SUPT3H: variants seen among roughly 807,000 people sequenced by gnomAD.
SUPT3H encodes SPT3 homolog, SAGA and STAGA complex component.
Under a neutral mutation model 44.3 loss-of-function variants are expected in SUPT3H, and 44 were observed. That is an observed-to-expected ratio of 0.99 (90% CI 0.78 to 1.28). The LOEUF is 1.28. Among genes scored for constraint, SUPT3H ranks in the 50% most tolerant of loss-of-function variants. The pLI is 0.00. For missense variants in SUPT3H, 380 were observed against 387.1 expected (o/e 0.98, Z 0.15); for synonymous variants, 124 against 125.6 (o/e 0.99, Z 0.09).
chr6:45,365,291 G>T lies in SUPT3H; in HGVS notation c.11C>A (p.Thr4Lys), dbSNP rs146820226. Residue 4 changes from threonine (T) to lysine (K), a missense_variant, in exon 2 of 11, where the codon ACG becomes AAG. Physicochemically the swap from Thr to Lys is moderately conservative, Grantham distance 78. Coordinates refer to ENST00000371459, the MANE Select transcript of SUPT3H (RefSeq NM_003599.4). MNN[T>K]AASPMSTATS... Reference sequence around the variant, plus strand: ...TGCAGTAGACATTGGACTAGCTGCCGTATTATTCATCTAAATAAAAAGGAG... The same window carrying T: ...TGCAGTAGACATTGGACTAGCTGCCTTATTATTCATCTAAATAAAAAGGAG... 7 of 1,605,524 alleles carry T rather than the reference G, an allele frequency of 4.4e-6. No individual in the cohort carries two copies. The Admixed American group carries it at 5.0e-5, about 12-fold the overall frequency.
intron 3 of SUPT3H, among the ~76,000 whole-genome samples, chr6:45,105,700 G>A (rs141781907): frequency 3.9e-5 from 6 of 152,074 alleles, no homozygotes; most frequent in African/African-American, 9.7e-5. Context: ...GCAAATTTTC[G>A]ATATCATGAT....
chr6:45,062,261 C>A (rs1739532641), intron 3 of SUPT3H, among the ~76,000 whole-genome samples: 1 of 151,948 alleles, frequency 6.6e-6, no homozygotes, highest in African/African-American at 2.4e-5. Context: ...ACACAAATAA[C>A]ATTTGAAAAA....
At position 44,954,655 on chromosome 6, in the gene SUPT3H, T is replaced by C. The variant is rs73735270; in HGVS notation, c.581-48A>G. On this transcript the variant is annotated intron_variant, in intron 7 of 10. Coordinates refer to ENST00000371459, the MANE Select transcript of SUPT3H (RefSeq NM_003599.4). The stretch of plus-strand genomic sequence containing the variant: ...TGCAGAAATTTTAATTTTTAAAGTG[T>C]TTTAATACTGCACATTACTATCACA... The C allele has an allele frequency of 8.9e-4, 956 of 1,068,880 alleles. 11 individuals are homozygous for C. In the African/African-American group the frequency reaches 0.014, roughly 15 times the overall value. The allele number at this position is 1,068,880 out of a possible 1,614,324, so 66.2% of individuals were successfully genotyped here. A position where few individuals can be genotyped will look rare whatever the true frequency, so the allele number is the denominator to read the frequency against.
chr6:44,814,797 G>A (rs143403470), intron 11 of SUPT3H, among the ~76,000 whole-genome samples: 120 of 151,968 alleles, frequency 7.9e-4, no homozygotes, highest in Middle Eastern at 3.4e-3. Context: ...CTGCCTCAGC[G>A]TCCTGAATAG....
At chr6:45,011,111 G>A (rs529026642) in intron 5 of SUPT3H, among the ~76,000 whole-genome samples, 222 of 152,100 alleles carry the variant, frequency 1.5e-3, no homozygotes, top group African/African-American at 5.1e-3. Flanking sequence ...GCTGAATTCA[G>A]TTTAATGGCA....
At chr6:44,857,022 T>C (rs912191564) in intron 10 of SUPT3H, among the ~76,000 whole-genome samples, 10 of 152,186 alleles carry the variant, frequency 6.6e-5, no homozygotes, top group African/African-American at 2.4e-4. Context: ...CAATTTTCTA[T>C]ATCATAAACT....
At position 45,324,583 on chromosome 6, in the gene SUPT3H, A is replaced by C. The variant is rs1049549054; in HGVS notation, c.101+40618T>G. 8.6e-5 allele frequency among the ~76,000 whole-genome samples: 13 copies of C among 151,110 alleles called. No individual in the cohort carries two copies. In the East Asian group the frequency reaches 2.2e-3, roughly 25 times the overall value. ...GGAGAAAGAAAGGGAAAGAGGAGGAATGGGGGAGACAGGTAGAGGGAGAGA... is the reference window on the plus strand; with the variant it reads ...GGAGAAAGAAAGGGAAAGAGGAGGACTGGGGGAGACAGGTAGAGGGAGAGA... On this transcript the variant is annotated intron_variant, in intron 2 of 10. Coordinates refer to ENST00000371459, the MANE Select transcript of SUPT3H (RefSeq NM_003599.4).
intron 2 of SUPT3H, among the ~76,000 whole-genome samples, chr6:45,241,828 A>C (rs1770395708): frequency 6.6e-6 from 1 of 152,228 alleles, no homozygotes; most frequent in Non-Finnish European, 1.5e-5. Flanking sequence ...TAGTTTAAAG[A>C]GAATGGAATA....
Position 45,370,347 on chromosome 6 carries a change from T to A in SUPT3H, c.1-5046A>T, listed in dbSNP as rs567413505. ...GAATTCTGGAGCCTTAGAAACTGGTTGAATGGTGGTGCCATTTACTGAGAT... is the reference window on the plus strand; with the variant it reads ...GAATTCTGGAGCCTTAGAAACTGGTAGAATGGTGGTGCCATTTACTGAGAT... On this transcript the variant is annotated intron_variant, in intron 1 of 10. Coordinates refer to ENST00000371459, the MANE Select transcript of SUPT3H (RefSeq NM_003599.4). Among the ~76,000 whole-genome samples, 21 of 152,104 alleles carry A rather than the reference T, an allele frequency of 1.4e-4. No homozygotes were observed. In the South Asian group the frequency reaches 3.9e-3, roughly 29 times the overall value.
At chr6:45,148,557 A>C (rs1346739641) in intron 2 of SUPT3H, among the ~76,000 whole-genome samples, 3 of 152,166 alleles carry the variant, frequency 2.0e-5, no homozygotes, top group Non-Finnish European at 4.4e-5. Flanking sequence ...ACACGCTCAG[A>C]CATTAACCAG....
chr6:45,071,774 C>T (rs941326280), intron 3 of SUPT3H, among the ~76,000 whole-genome samples: 7 of 152,100 alleles, frequency 4.6e-5, no homozygotes, highest in Admixed American at 4.6e-4. Flanking sequence ...CTATCAATTG[C>T]TTACTAAAGA....
At chr6:44,960,000 C>T (rs1164744455) in intron 7 of SUPT3H, among the ~76,000 whole-genome samples, 1 of 152,158 alleles carries the variant, frequency 6.6e-6, no homozygotes, top group Non-Finnish European at 1.5e-5. Context: ...CATAATAAAA[C>T]ACCTATGGGC....
At chr6:45,000,362 T>C (rs986901616) in intron 6 of SUPT3H, among the ~76,000 whole-genome samples, 2 of 152,030 alleles carry the variant, frequency 1.3e-5, no homozygotes, top group Non-Finnish European at 2.9e-5. Flanking sequence ...AAATAAATCA[T>C]GATAGGTAGA....
rs1242393256 is a variant in SUPT3H at position 45,282,735 on chromosome 6, C to T, written c.101+82466G>A. Among the ~76,000 whole-genome samples the T allele has an allele frequency of 1.2e-4, 19 of 152,084 alleles. No homozygotes were observed. The East Asian group carries it at 1.3e-3, about 11-fold the overall frequency. ...ATGCAAAGTCAGGAAATACAGAGAA[C>T]GCCACAAAGATACTCCTCGAGAAGA... On this transcript the variant is annotated intron_variant, in intron 2 of 10. Coordinates refer to ENST00000371459, the MANE Select transcript of SUPT3H (RefSeq NM_003599.4).
intron 2 of SUPT3H, among the ~76,000 whole-genome samples, chr6:45,137,468 C>T (rs972371070): frequency 6.6e-6 from 1 of 151,778 alleles, no homozygotes; most frequent in African/African-American, 2.4e-5. Context: ...TTTAAATATA[C>T]CATATGTCTA....
intron 6 of SUPT3H, among the ~76,000 whole-genome samples, chr6:44,966,217 T>C (rs1041175904): frequency 3.3e-5 from 5 of 152,152 alleles, no homozygotes; most frequent in African/African-American, 1.2e-4. Context: ...TCCTTTTCTA[T>C]TCCTTTAAGA....
At chr6:45,281,814 A>G (rs1778141143) in intron 2 of SUPT3H, among the ~76,000 whole-genome samples, 1 of 152,152 alleles carries the variant, frequency 6.6e-6, no homozygotes, top group African/African-American at 2.4e-5. Flanking sequence ...TGATACCCGA[A>G]TAGCCTAACT....
At chr6:44,983,143 G>A (rs1397004763) in intron 6 of SUPT3H, among the ~76,000 whole-genome samples, 1 of 152,120 alleles carries the variant, frequency 6.6e-6, no homozygotes, top group Non-Finnish European at 1.5e-5. Flanking sequence ...GGATGTTTGA[G>A]TCACATAAGC....
intron 5 of SUPT3H, among the ~76,000 whole-genome samples, chr6:45,014,212 GAAGAT>G (rs1040730875): frequency 1.6e-4 from 25 of 151,976 alleles, no homozygotes; most frequent in Admixed American, 1.3e-3. Context: ...ACATACAAAT[GAAGAT>G]AAGGGGGAAG....
Sources: allele counts gnomAD v4.1 joint callset (sites outside exome capture counted in the v4.1 genomes callset), GRCh38; gene constraint gnomAD v4.1.1; transcripts MANE v1.5; gene names NCBI Gene and HGNC (gene_info 2026-07-23, HGNC 2026-07-21).